Variants in GIPC2 observed in about 807,000 individuals in gnomAD.
GIPC2 encodes the protein GIPC PDZ domain containing family member 2.
Under a neutral mutation model 30.6 loss-of-function variants are expected in GIPC2, and 30 were observed. That is an observed-to-expected ratio of 0.98 (90% CI 0.73 to 1.33). The LOEUF is 1.33. Ranked by LOEUF, GIPC2 falls within the 40% of genes most tolerant of loss-of-function variation. The probability of loss-of-function intolerance (pLI) is 0.00; values close to 1 mark genes in which losing one functional copy is unlikely to be tolerated. For synonymous variants in GIPC2, 167 were observed against 150.0 expected (o/e 1.11, Z -0.83); for missense variants, 414 against 390.3 (o/e 1.06, Z -0.51).
At chr1:78,055,298 C>T (rs1661268103) in intron 1 of GIPC2, among the ~76,000 whole-genome samples, 1 of 152,120 alleles carries the variant, frequency 6.6e-6, no homozygotes, top group African/African-American at 2.4e-5. Flanking sequence ...CTCCAAATAC[C>T]GTCACCTGGT....
intron 1 of GIPC2, among the ~76,000 whole-genome samples, chr1:78,066,839 G>T (rs1661521521): frequency 6.6e-6 from 1 of 152,154 alleles, no homozygotes; most frequent in Non-Finnish European, 1.5e-5. Flanking sequence ...TGATGAGAAT[G>T]CATGGACACA....
chr1:78,118,931 C>G (rs1480949775), intron 3 of GIPC2, among the ~76,000 whole-genome samples: 1 of 152,152 alleles, frequency 6.6e-6, no homozygotes, highest in East Asian at 1.9e-4. Context: ...GGTAGATCCT[C>G]AAATAATAGT....
intron 5 of GIPC2, among the ~76,000 whole-genome samples, chr1:78,128,933 A>G (rs549379883): frequency 6.6e-6 from 1 of 152,110 alleles, no homozygotes; most frequent in African/African-American, 2.4e-5. Context: ...TGAGTCCAAG[A>G]GTTTGAAGCT....
In GIPC2 at chr1:78,095,106, A is replaced by C. The variant is rs1448509012; in HGVS notation, c.581A>C (p.Lys194Thr). ...ELKKEELFTM[K>T]LIEPKKAFEI... ...AAAAAGGAGGAACTCTTTACTATGAAGTTAATAGAACCTAAGAAGGCATTT... is the reference window on the plus strand; with the variant it reads ...AAAAAGGAGGAACTCTTTACTATGACGTTAATAGAACCTAAGAAGGCATTT... The change falls in exon 3 of 6, where the codon AAG becomes ACG. Residue 194 changes from lysine (K) to threonine (T), a missense_variant. By Grantham distance (78) the Lys-to-Thr change is moderately conservative. Transcript: ENST00000370759. 1 of 1,612,852 alleles carries C rather than the reference A, an allele frequency of 6.2e-7. No individual in the cohort carries two copies.
At chr1:78,102,329 TG>T (rs2100393606) in intron 3 of GIPC2, among the ~76,000 whole-genome samples, 1 of 152,346 alleles carries the variant, frequency 6.6e-6, no homozygotes, top group East Asian at 1.9e-4. Flanking sequence ...TCAGCTTAAC[TG>T]ATGTACTCAC....
intron 3 of GIPC2, among the ~76,000 whole-genome samples, chr1:78,101,901 A>G (rs1479061111): frequency 6.6e-6 from 1 of 152,244 alleles, no homozygotes; most frequent in Non-Finnish European, 1.5e-5. Context: ...CTCTAAGACC[A>G]GACAAGACCA....
chr1:78,117,564 C>A (rs1452845884), intron 3 of GIPC2, among the ~76,000 whole-genome samples: 1 of 152,130 alleles, frequency 6.6e-6, no homozygotes, highest in Non-Finnish European at 1.5e-5. Flanking sequence ...AATCTCATGC[C>A]ACTGCTGAAC....
chr1:78,114,470 T>A (rs970597306), intron 3 of GIPC2, among the ~76,000 whole-genome samples: 3 of 152,186 alleles, frequency 2.0e-5, no homozygotes, highest in Non-Finnish European at 4.4e-5. Flanking sequence ...TATAAACAGA[T>A]TGATTTATGT....
At chr1:78,077,518 T>C (rs1661737618) in intron 1 of GIPC2, among the ~76,000 whole-genome samples, 1 of 152,218 alleles carries the variant, frequency 6.6e-6, no homozygotes, top group African/African-American at 2.4e-5. Context: ...AAGGATTTCA[T>C]TGTACAATGA....
At chr1:78,091,439 G>T in intron 2 of GIPC2, 2 of 587,706 alleles carry the variant, frequency 3.4e-6, no homozygotes, top group South Asian at 3.8e-5. Flanking sequence ...CGGAGCCAGG[G>T]GCCTTTGCCT....
chr1:78,093,178 A>C (rs971436554), intron 2 of GIPC2, among the ~76,000 whole-genome samples: 5 of 152,172 alleles, frequency 3.3e-5, no homozygotes, highest in African/African-American at 1.2e-4. Flanking sequence ...TAGATTATTG[A>C]ATTCTTTGAT....
chr1:78,056,489 A>G (rs1661300151), intron 1 of GIPC2, among the ~76,000 whole-genome samples: 1 of 151,692 alleles, frequency 6.6e-6, no homozygotes, highest in South Asian at 2.1e-4. Flanking sequence ...AACAAAAGAA[A>G]AAATTATTAC....
intron 3 of GIPC2, among the ~76,000 whole-genome samples, chr1:78,106,717 G>T (rs1436883301): frequency 6.6e-6 from 1 of 152,166 alleles, no homozygotes; most frequent in Non-Finnish European, 1.5e-5. Flanking sequence ...TTTCGTTCTT[G>T]TTGCCCAGGG....
At chr1:78,087,927 T>C (rs1231947780) in intron 2 of GIPC2, among the ~76,000 whole-genome samples, 1 of 151,852 alleles carries the variant, frequency 6.6e-6, no homozygotes, top group Non-Finnish European at 1.5e-5. Flanking sequence ...ACAACTCCAT[T>C]AAAAAGTGGA....
chr1:78,090,651 G>A (rs1006625342), intron 2 of GIPC2, among the ~76,000 whole-genome samples: 2 of 152,142 alleles, frequency 1.3e-5, no homozygotes, highest in African/African-American at 4.8e-5. Context: ...ATCTCCTTCA[G>A]ATCTTTATGA....
chr1:78,090,631 TTCTCAGAATA>T (rs1481865520), intron 2 of GIPC2, among the ~76,000 whole-genome samples: 1 of 152,264 alleles, frequency 6.6e-6, no homozygotes, highest in Non-Finnish European at 1.5e-5. Context: ...AAAACTGTCA[TTCTCAGAATA>T]TCTCCTTCAG....
At chr1:78,126,422 T>C (rs888812313) in intron 5 of GIPC2, among the ~76,000 whole-genome samples, 3 of 152,176 alleles carry the variant, frequency 2.0e-5, no homozygotes, top group Non-Finnish European at 4.4e-5. Flanking sequence ...AGTTGAGCAG[T>C]TGAATTTCTG....
intron 1 of GIPC2, among the ~76,000 whole-genome samples, chr1:78,076,549 A>G (rs984625739): frequency 1.3e-5 from 2 of 152,046 alleles, no homozygotes; most frequent in Admixed American, 1.3e-4. Context: ...AGCTCACCTT[A>G]GGGTTCATGC....
At chr1:78,125,328 C>T (rs1004516690) in intron 4 of GIPC2, among the ~76,000 whole-genome samples, 5 of 152,230 alleles carry the variant, frequency 3.3e-5, no homozygotes, top group African/African-American at 1.2e-4. Context: ...GCATGTGCTA[C>T]CACACCCAGC....
Sources: allele counts gnomAD v4.1 joint callset (sites outside exome capture counted in the v4.1 genomes callset), GRCh38; gene constraint gnomAD v4.1.1; transcripts MANE v1.5; gene names NCBI Gene and HGNC (gene_info 2026-07-23, HGNC 2026-07-21).